Variants in PTN observed in about 807,000 individuals in gnomAD.
The protein encoded by PTN is pleiotrophin.
In PTN, 18 loss-of-function variants were observed where a neutral mutation model predicts 24.1. That is an observed-to-expected ratio of 0.75 (90% confidence interval 0.52 to 1.11). The LOEUF (loss-of-function observed/expected upper bound fraction) is 1.11. PTN is among the 50% of genes least tolerant of loss of function. PTN has a pLI of 0.00. For missense variants in PTN, 163 were observed against 198.8 expected (o/e 0.82, Z 1.08); for synonymous variants, 78 against 68.6 (o/e 1.14, Z -0.67).
Position 137,339,884 on chromosome 7 carries a change from TTAAAATTATGTTTTAGCTTTTGC to T in PTN, c.-2+3532_-2+3554del, listed in dbSNP as rs531568265. Among the ~76,000 whole-genome samples the T allele has an allele frequency of 1.1e-4, 16 of 152,324 alleles. No individual in the cohort carries two copies. In the East Asian group the frequency reaches 2.9e-3, roughly 28 times the overall value. On this transcript the variant is annotated intron_variant, in intron 1 of 4. Coordinates refer to ENST00000348225, the MANE Select transcript of PTN (RefSeq NM_002825.7). ...TTAGAGACAGAATGCTATTTGTGTT[TTAAAATTATGTTTTAGCTTTTGC>T]TAAGAGCAATTCTTAGAATTAAGAG...
chr7:137,257,114 T>A (rs1563202151), intron 1 of PTN, among the ~76,000 whole-genome samples: 1 of 152,230 alleles, frequency 6.6e-6, no homozygotes, highest in Non-Finnish European at 1.5e-5. Context: ...TTCCAACATA[T>A]GGATGAAGCA....
intron 1 of PTN, among the ~76,000 whole-genome samples, chr7:137,340,294 C>G (rs974946813): frequency 6.6e-6 from 1 of 152,086 alleles, no homozygotes; most frequent in African/African-American, 2.4e-5. Flanking sequence ...TCATAGCTAC[C>G]CTTTTAAGAT....
In PTN at chr7:137,282,968, T is replaced by C. The variant is rs181940740; in HGVS notation, c.-1-27994A>G. On this transcript the variant is annotated intron_variant, in intron 1 of 4. Coordinates refer to ENST00000348225, the MANE Select transcript of PTN (RefSeq NM_002825.7). ...TGAATGAGGATGAGGCTACTTGATT[T>C]CCAGAGCTCCTAGTTTCTCCGCTGT... is the stretch of plus-strand genomic sequence containing the variant. Among the ~76,000 whole-genome samples the C allele has an allele frequency of 4.5e-3, 689 of 152,322 alleles. 3 individuals are homozygous for C. Among genetic ancestry groups the C allele is most frequent in the Non-Finnish European group, 7.6e-3 (519 of 68,028 alleles).
intron 1 of PTN, among the ~76,000 whole-genome samples, chr7:137,273,455 G>A (rs1444238534): frequency 6.6e-6 from 1 of 152,154 alleles, no homozygotes; most frequent in Non-Finnish European, 1.5e-5. Flanking sequence ...GGAAGCTGCA[G>A]GAAATTTACC....
chr7:137,241,194 TC>T (rs896444542), intron 4 of PTN, among the ~76,000 whole-genome samples: 1 of 152,086 alleles, frequency 6.6e-6, no homozygotes, highest in Admixed American at 6.6e-5. Context: ...TACAATCACC[TC>T]CCACCAGGTC....
chr7:137,229,739 TTTTG>T (rs1314542575), intron 4 of PTN, among the ~76,000 whole-genome samples: 4 of 151,824 alleles, frequency 2.6e-5, no homozygotes, highest in Non-Finnish European at 4.4e-5. Context: ...CGCTCTCTAT[TTTTG>T]TTTGTTTTCT....
intron 4 of PTN, among the ~76,000 whole-genome samples, chr7:137,233,294 G>T (rs1808461439): frequency 1.3e-5 from 2 of 151,924 alleles, no homozygotes; most frequent in African/African-American, 4.8e-5. Flanking sequence ...TACCAGCTCT[G>T]TGATCTTGTG....
chr7:137,252,671 C>A (rs1403923946), intron 3 of PTN, among the ~76,000 whole-genome samples: 1 of 151,804 alleles, frequency 6.6e-6, no homozygotes, highest in Non-Finnish European at 1.5e-5. Context: ...TGTCTATGGG[C>A]CACAATGCAT....
At chr7:137,295,392 T>A (rs1451721144) in intron 1 of PTN, among the ~76,000 whole-genome samples, 1 of 152,110 alleles carries the variant, frequency 6.6e-6, no homozygotes, top group Non-Finnish European at 1.5e-5. Context: ...GACTGGGATG[T>A]GAGCTAGGAG....
intron 4 of PTN, among the ~76,000 whole-genome samples, chr7:137,232,871 C>G (rs1246748692): frequency 6.6e-6 from 1 of 151,878 alleles, no homozygotes; most frequent in Non-Finnish European, 1.5e-5. Flanking sequence ...CTGGCATCTC[C>G]CCTGCTTGCA....
chr7:137,242,843 C>T (rs891047408), intron 4 of PTN, among the ~76,000 whole-genome samples: 3 of 152,222 alleles, frequency 2.0e-5, no homozygotes, highest in South Asian at 2.1e-4. Context: ...AGCACCCCCA[C>T]GGACGGGTCC....
At chr7:137,294,620 G>C (rs1402591588) in intron 1 of PTN, among the ~76,000 whole-genome samples, 1 of 151,968 alleles carries the variant, frequency 6.6e-6, no homozygotes, top group Non-Finnish European at 1.5e-5. Context: ...ATCCACCTCA[G>C]CCACCAGAAA....
chr7:137,332,202 C>T (rs1365879640), intron 1 of PTN, among the ~76,000 whole-genome samples: 1 of 152,130 alleles, frequency 6.6e-6, no homozygotes, highest in East Asian at 1.9e-4. Flanking sequence ...TTAAAAGTTA[C>T]ATCAGAAAAA....
At chr7:137,246,732 G>A (rs1269779515) in intron 4 of PTN, among the ~76,000 whole-genome samples, 1 of 152,122 alleles carries the variant, frequency 6.6e-6, no homozygotes, top group Non-Finnish European at 1.5e-5. Flanking sequence ...ACCCTTTAAA[G>A]CTTCTAGACA....
intron 1 of PTN, among the ~76,000 whole-genome samples, chr7:137,259,740 G>A (rs566142934): frequency 1.3e-5 from 2 of 151,844 alleles, no homozygotes; most frequent in African/African-American, 4.8e-5. Flanking sequence ...GTTGTGTTCA[G>A]CCTTATCAGG....
At chr7:137,245,673 G>A (rs922024583) in intron 4 of PTN, among the ~76,000 whole-genome samples, 1 of 152,120 alleles carries the variant, frequency 6.6e-6, no homozygotes, top group Non-Finnish European at 1.5e-5. Context: ...TCCAGGAGGA[G>A]GCATTGTTAT....
intron 1 of PTN, among the ~76,000 whole-genome samples, chr7:137,297,223 C>T (rs999657486): frequency 6.6e-6 from 1 of 152,096 alleles, no homozygotes; most frequent in Non-Finnish European, 1.5e-5. Context: ...TCATTTCACT[C>T]ACATAAGCAT....
intron 1 of PTN, among the ~76,000 whole-genome samples, chr7:137,324,433 A>AAAAAAAAAAAATATAT: frequency 1.1e-5 from 1 of 88,804 alleles, no homozygotes; most frequent in African/African-American, 6.9e-5. Context: ...AAAAAAAAAA[A>AAAAAAAAAAAATATAT]ATATATATAT....
At chr7:137,278,544 T>A (rs543662727) in intron 1 of PTN, among the ~76,000 whole-genome samples, 17 of 152,200 alleles carry the variant, frequency 1.1e-4, no homozygotes, top group African/African-American at 3.6e-4. Context: ...CAAAATAGAA[T>A]TTACAAAATA....
Sources: allele counts gnomAD v4.1 joint callset (sites outside exome capture counted in the v4.1 genomes callset), GRCh38; gene constraint gnomAD v4.1.1; transcripts MANE v1.5; gene names NCBI Gene and HGNC (gene_info 2026-07-23, HGNC 2026-07-21).